Variants in SHISA9 observed in about 807,000 individuals in gnomAD.
SHISA9 encodes the protein protein shisa-9.
A neutral mutation model predicts 38.0 loss-of-function variants in SHISA9; 13 were observed. That is an observed-to-expected ratio of 0.34 (90% confidence interval 0.22 to 0.54). SHISA9 has a LOEUF of 0.54. Ranked by LOEUF, SHISA9 falls within the 20% of genes least tolerant of loss-of-function variation. The probability of loss-of-function intolerance (pLI) is 0.91; values close to 1 mark genes in which losing one functional copy is unlikely to be tolerated. For synonymous variants in SHISA9, 275 were observed against 242.0 expected, an observed-to-expected ratio of 1.14 and a Z score of -1.27; for missense variants, 538 against 575.8, an observed-to-expected ratio of 0.93 and a Z score of 0.67.
At position 13,205,117 on chromosome 16, in the gene SHISA9, A is replaced by C. The variant is rs569561577; in HGVS notation, c.847+1568A>C. Among the ~76,000 whole-genome samples the C allele has an allele frequency of 1.8e-3, 275 of 152,272 alleles. 2 individuals carry two copies. Among genetic ancestry groups the C allele is most frequent in the South Asian group, 2.1e-4 (1 of 4,820 alleles). On this transcript the variant is annotated intron_variant, in intron 3 of 4. Coordinates refer to ENST00000558583, the MANE Select transcript of SHISA9 (RefSeq NM_001145204.3). ...ACTAGAATCACCTGGAGAGCAGGTA[A>C]AATATAAGGATGCCCCAGGTCCACC...
At chr16:12,926,217 A>G (rs2071391778) in intron 2 of SHISA9, among the ~76,000 whole-genome samples, 2 of 152,166 alleles carry the variant, frequency 1.3e-5, no homozygotes, top group Non-Finnish European at 2.9e-5. Flanking sequence ...TCTAGTTATG[A>G]CCTTTCTCAT....
chr16:13,447,152 G>A, the SHISA9 span, among the ~76,000 whole-genome samples: 23 of 152,102 alleles, frequency 1.5e-4, no homozygotes, highest in African/African-American at 5.6e-4. Context: ...CCTTTGGCTT[G>A]AGAATGTTCA....
chr16:13,499,405 G>A, the SHISA9 span, among the ~76,000 whole-genome samples: 4 of 152,156 alleles, frequency 2.6e-5, no homozygotes, highest in Non-Finnish European at 5.9e-5. Flanking sequence ...AGGAAAATGA[G>A]TGTTATTTAA....
chr16:12,991,938 C>T (rs2072392173), intron 2 of SHISA9, among the ~76,000 whole-genome samples: 1 of 152,086 alleles, frequency 6.6e-6, no homozygotes. Context: ...CTTAGGATGA[C>T]ACTAAAATAG....
the SHISA9 span, among the ~76,000 whole-genome samples, chr16:13,494,533 T>C: frequency 6.6e-6 from 1 of 151,590 alleles, no homozygotes; most frequent in Non-Finnish European, 1.5e-5. Flanking sequence ...TCAAAATGCA[T>C]AGAAAGTACA....
At chr16:13,047,646 A>G (rs2141895180) in intron 2 of SHISA9, among the ~76,000 whole-genome samples, 1 of 152,280 alleles carries the variant, frequency 6.6e-6, no homozygotes, top group East Asian at 1.9e-4. Flanking sequence ...AATTCCCAAT[A>G]AGACCATCTG....
the SHISA9 span, among the ~76,000 whole-genome samples, chr16:13,286,357 T>G: frequency 9.9e-5 from 15 of 152,122 alleles, no homozygotes; most frequent in Admixed American, 9.8e-4. Context: ...ATATTTGGGG[T>G]TCACAGCTTT....
At chr16:12,922,435 C>A (rs1337164886) in intron 2 of SHISA9, among the ~76,000 whole-genome samples, 1 of 152,242 alleles carries the variant, frequency 6.6e-6, no homozygotes, top group African/African-American at 2.4e-5. Flanking sequence ...CCTCTTTCAC[C>A]TCATACCCCA....
At chr16:13,171,750 T>C (rs1182504029) in intron 2 of SHISA9, among the ~76,000 whole-genome samples, 1 of 152,074 alleles carries the variant, frequency 6.6e-6, no homozygotes, top group Non-Finnish European at 1.5e-5. Context: ...GTAAGGACTG[T>C]CATCTTTATC....
chr16:13,040,629 T>C (rs1311091405), intron 2 of SHISA9, among the ~76,000 whole-genome samples: 1 of 152,208 alleles, frequency 6.6e-6, no homozygotes, highest in Non-Finnish European at 1.5e-5. Flanking sequence ...TCATCTACTT[T>C]TCCCCCTTGC....
At chr16:12,916,028 T>C (rs1212280612) in intron 1 of SHISA9, among the ~76,000 whole-genome samples, 5 of 145,746 alleles carry the variant, frequency 3.4e-5, no homozygotes, top group African/African-American at 1.3e-4. Flanking sequence ...TTTTTTTTTT[T>C]TTGCTAAGTT....
intron 2 of SHISA9, among the ~76,000 whole-genome samples, chr16:13,095,378 C>A (rs2073814590): frequency 6.6e-6 from 1 of 152,120 alleles, no homozygotes; most frequent in Admixed American, 6.5e-5. Flanking sequence ...GCAGAGGTTG[C>A]ACATCTTAAC....
chr16:13,544,691 C>A, the SHISA9 span, among the ~76,000 whole-genome samples: 2 of 151,982 alleles, frequency 1.3e-5, no homozygotes, highest in Non-Finnish European at 2.9e-5. Context: ...ACCTGTAATC[C>A]CAGCACTTTG....
At chr16:13,112,398 A>T (rs1376249851) in intron 2 of SHISA9, among the ~76,000 whole-genome samples, 1 of 152,064 alleles carries the variant, frequency 6.6e-6, no homozygotes, top group African/African-American at 2.4e-5. Context: ...GGAAGGAAAA[A>T]AAAGGTTTTG....
chr16:13,303,558 G>A, the SHISA9 span, among the ~76,000 whole-genome samples: 1 of 152,176 alleles, frequency 6.6e-6, no homozygotes, highest in African/African-American at 2.4e-5. Flanking sequence ...TATAGAGATA[G>A]ACCAAAGAAT....
At chr16:13,192,999 T>C (rs2142042783) in intron 2 of SHISA9, among the ~76,000 whole-genome samples, 1 of 152,082 alleles carries the variant, frequency 6.6e-6, no homozygotes, top group Non-Finnish European at 1.5e-5. Context: ...CAAAAAAGCA[T>C]AGATCTGGCC....
At chr16:13,097,428 T>C (rs1018941873) in intron 2 of SHISA9, among the ~76,000 whole-genome samples, 1 of 152,020 alleles carries the variant, frequency 6.6e-6, no homozygotes, top group African/African-American at 2.4e-5. Flanking sequence ...CAGTATTTTT[T>C]TTTTTTTGAG....
chr16:13,411,803 C>G, the SHISA9 span, among the ~76,000 whole-genome samples: 1 of 152,298 alleles, frequency 6.6e-6, no homozygotes, highest in East Asian at 1.9e-4. Context: ...CCAAGACACA[C>G]AAGCTTTATT....
chr16:12,918,823 C>CT (rs1439138170), intron 2 of SHISA9, among the ~76,000 whole-genome samples: 2 of 140,130 alleles, frequency 1.4e-5, no homozygotes, highest in African/African-American at 2.5e-5. Flanking sequence ...ACAAGAATTG[C>CT]CCAGATATTA....
Sources: allele counts gnomAD v4.1 joint callset (sites outside exome capture counted in the v4.1 genomes callset), GRCh38; gene constraint gnomAD v4.1.1; transcripts MANE v1.5; gene names NCBI Gene and HGNC (gene_info 2026-07-23, HGNC 2026-07-21).